Variants in TACC2 observed in about 807,000 individuals in gnomAD.
The protein encoded by TACC2 is transforming acidic coiled-coil-containing protein 2.
In TACC2, 137 loss-of-function variants were observed where a neutral mutation model predicts 227.3. The observed-to-expected ratio is 0.60, with a 90% confidence interval of 0.52 to 0.69. The LOEUF (loss-of-function observed/expected upper bound fraction) is 0.69. Ranked by LOEUF, TACC2 falls within the 30% of genes least tolerant of loss-of-function variation. The probability of loss-of-function intolerance (pLI) is 0.00; values close to 1 mark genes in which losing one functional copy is unlikely to be tolerated. For missense variants in TACC2, 3,470 were observed against 3,694.4 expected (o/e 0.94, Z 1.57); for synonymous variants, 1,523 against 1,487.5 (o/e 1.02, Z -0.55).
At chr10:122,008,264 A>ATTATTATTATTTTTTT in intron 1 of TACC2, among the ~76,000 whole-genome samples, 135 of 134,654 alleles carry the variant, frequency 1.0e-3, no homozygotes, top group East Asian at 3.2e-3. Flanking sequence ...TATTATTATT[A>ATTATTATTATTTTTTT]TTTTTTTTTT....
intron 7 of TACC2, among the ~76,000 whole-genome samples, chr10:122,158,403 A>G (rs1398813000): frequency 1.3e-5 from 2 of 152,038 alleles, no homozygotes; most frequent in Non-Finnish European, 2.9e-5. Context: ...TCAAAAAAAA[A>G]AACAAAAACA....
intron 6 of TACC2, among the ~76,000 whole-genome samples, chr10:122,142,853 G>A (rs2090824870): frequency 6.6e-6 from 1 of 152,260 alleles, no homozygotes; most frequent in Admixed American, 6.5e-5. Context: ...AGTCTGTGGA[G>A]GCCGTTGCTA....
Position 122,134,627 on chromosome 10 carries a change from C to G in TACC2, c.5699+1893C>G, listed in dbSNP as rs185938634. 2.2e-3 allele frequency among the ~76,000 whole-genome samples: 332 copies of G among 152,348 alleles called. 2 individuals carry two copies. The highest frequency in any genetic ancestry group is 7.3e-3 in the African/African-American group (305 of 41,568). On this transcript the variant is annotated intron_variant, in intron 6 of 22. Coordinates refer to ENST00000369005, the MANE Select transcript of TACC2 (RefSeq NM_206862.4). The stretch of plus-strand genomic sequence containing the variant: ...CCTTCCTGTCTGTCCTATTCCTCCC[C>G]CTCTTTGTCCCATTTGGCTCCCTGA...
chr10:122,083,809 C>T lies in TACC2; in HGVS notation c.1309C>T (p.Pro437Ser), dbSNP rs139655744. ...AAQIPIAVEE[P>S]GSSSRESVSK... Reference sequence around the variant, plus strand: ...TCAGATTCCTATTGCTGTAGAAGAACCTGGATCATCATCCAGGGAATCAGT... The same window carrying T: ...TCAGATTCCTATTGCTGTAGAAGAATCTGGATCATCATCCAGGGAATCAGT... The change falls in exon 4 of 23, where the codon CCT becomes TCT. Residue 437 changes from proline to serine, a missense_variant. Transcript: ENST00000369005. 4.3e-5 allele frequency: 70 copies of T among 1,614,028 alleles called. No individual in the cohort carries two copies. In the African/African-American group the frequency reaches 9.2e-4, roughly 21 times the overall value.
intron 1 of TACC2, among the ~76,000 whole-genome samples, chr10:121,999,000 A>ATTTC (rs1199649708): frequency 1.3e-5 from 2 of 148,666 alleles, no homozygotes; most frequent in African/African-American, 4.9e-5. Context: ...TGGAGTGGCC[A>ATTTC]TTTCTTTCTT....
chr10:122,124,680 C>T (rs531414544), intron 5 of TACC2, among the ~76,000 whole-genome samples: 3 of 152,290 alleles, frequency 2.0e-5, no homozygotes, highest in East Asian at 1.9e-4. Flanking sequence ...TTTGCCTGCA[C>T]GCCTTTGCCC....
chr10:122,136,820 C>T (rs1346801292), intron 6 of TACC2, among the ~76,000 whole-genome samples: 1 of 152,052 alleles, frequency 6.6e-6, no homozygotes, highest in African/African-American at 2.4e-5. Context: ...TCCCAAAGTG[C>T]TGGGATTACA....
intron 7 of TACC2, among the ~76,000 whole-genome samples, chr10:122,144,444 A>G (rs1201304064): frequency 6.6e-6 from 1 of 152,204 alleles, no homozygotes; most frequent in Non-Finnish European, 1.5e-5. Context: ...AAAGCCTCCT[A>G]AAGAGCATTC....
intron 7 of TACC2, among the ~76,000 whole-genome samples, chr10:122,155,284 G>C (rs6585796): frequency 0.89 from 134,827 of 152,308 alleles, 59,788 homozygotes; most frequent in Middle Eastern, 0.92. Flanking sequence ...GCTGGGAGAC[G>C]CCATCTCTGT....
At position 122,087,416 on chromosome 10, in the gene TACC2, A is replaced by G. The variant is rs766278349; in HGVS notation, c.4916A>G (p.Glu1639Gly). ...RSTCAPSPQR[E>G]VLTVPEANSE... Reference sequence around the variant, plus strand: ...ACGTGTGCCCCTTCTCCTCAGAGGGAGGTTTTGACTGTGCCTGAGGCCAAC... The same window carrying G: ...ACGTGTGCCCCTTCTCCTCAGAGGGGGGTTTTGACTGTGCCTGAGGCCAAC... The change falls in exon 4 of 23, where the codon GAG becomes GGG. Residue 1639 changes from glutamate (E) to glycine (G), a missense_variant. Around this residue, in one of 10 missense-constraint regions of TACC2, gnomAD observed 1,924 missense variants for 1,978.3 expected, o/e 0.97. Transcript: ENST00000369005. 6.2e-7 allele frequency: 1 copy of G among 1,613,950 alleles called. No individual in the cohort carries two copies. Among genetic ancestry groups the G allele is most frequent in the East Asian group, 2.2e-5 (1 of 44,858 alleles).
intron 7 of TACC2, among the ~76,000 whole-genome samples, chr10:122,160,729 T>A (rs964888261): frequency 1.3e-5 from 2 of 152,118 alleles, no homozygotes; most frequent in African/African-American, 4.8e-5. Context: ...CACAGCCCTT[T>A]TATCATTCTC....
At chr10:122,206,132 G>A (rs1173252066) in intron 8 of TACC2, among the ~76,000 whole-genome samples, 4 of 152,158 alleles carry the variant, frequency 2.6e-5, no homozygotes, top group Non-Finnish European at 5.9e-5. Context: ...CAGTGCGGGG[G>A]CTGGCAGCAA....
chr10:122,147,881 G>T (rs1017804364), intron 7 of TACC2, among the ~76,000 whole-genome samples: 8 of 152,136 alleles, frequency 5.3e-5, no homozygotes, highest in Non-Finnish European at 1.2e-4. Flanking sequence ...CTCCCTGACA[G>T]CTGTGGTTCC....
chr10:122,218,970 T>G (rs915280590), intron 11 of TACC2, among the ~76,000 whole-genome samples: 2 of 146,588 alleles, frequency 1.4e-5, no homozygotes, highest in Non-Finnish European at 3.0e-5. Flanking sequence ...TGCAGTGAGC[T>G]GAGATTGTGC....
chr10:122,119,823 G>A (rs1210218571), intron 5 of TACC2, among the ~76,000 whole-genome samples: 3 of 152,060 alleles, frequency 2.0e-5, no homozygotes, highest in East Asian at 1.9e-4. Flanking sequence ...GGAGGCTGAC[G>A]CAGGAGAATT....
intron 2 of TACC2, among the ~76,000 whole-genome samples, chr10:122,026,433 A>T (rs1298758867): frequency 6.9e-6 from 1 of 143,916 alleles, no homozygotes; most frequent in East Asian, 2.0e-4. Context: ...AACATCCTGA[A>T]GATTTTCTGC....
intron 8 of TACC2, among the ~76,000 whole-genome samples, chr10:122,204,051 G>T (rs113290893): frequency 6.6e-6 from 1 of 151,222 alleles, no homozygotes. Flanking sequence ...CCAGGCACTC[G>T]GCAGGCTGAG....
At chr10:122,135,184 C>T (rs578081376) in intron 6 of TACC2, among the ~76,000 whole-genome samples, 111 of 152,308 alleles carry the variant, frequency 7.3e-4, no homozygotes, top group Admixed American at 1.4e-3. Flanking sequence ...CCCGGCTGCC[C>T]ACCTGTGTTC....
intron 5 of TACC2, among the ~76,000 whole-genome samples, chr10:122,132,066 A>AGGAAGGAAGGAAGG (rs376432262): frequency 3.4e-5 from 2 of 58,248 alleles, no homozygotes; most frequent in Admixed American, 1.4e-4. Context: ...GAAAGAAAGA[A>AGGAAGGAAGGAAGG]AAAGAAAGAA....
Sources: allele counts gnomAD v4.1 joint callset (sites outside exome capture counted in the v4.1 genomes callset), GRCh38; gene constraint gnomAD v4.1.1; regional missense constraint gnomAD v4.1.1; transcripts MANE v1.5; gene names NCBI Gene and HGNC (gene_info 2026-07-23, HGNC 2026-07-21).